The following BCL2L11 variants were observed in gnomAD, a reference collection of about 807,000 sequenced individuals.
BCL2L11 encodes bcl-2-like protein 11.
A neutral mutation model predicts 20.6 loss-of-function variants in BCL2L11; 15 were observed. The ratio of observed to expected loss-of-function variants is 0.73; its 90% CI spans 0.49 to 1.12. The LOEUF (loss-of-function observed/expected upper bound fraction) is 1.12. BCL2L11 is among the 50% of genes most tolerant of loss of function. The pLI, the probability that BCL2L11 is intolerant of heterozygous loss-of-function variation, is 0.00. For missense variants in BCL2L11, 292 were observed against 260.9 expected, an observed-to-expected ratio of 1.12 and a Z score of -0.82; for synonymous variants, 108 against 92.8, an observed-to-expected ratio of 1.16 and a Z score of -0.94.
chr2:111,135,001 T>G (rs1176785283), intron 2 of BCL2L11, among the ~76,000 whole-genome samples: 6 of 152,208 alleles, frequency 3.9e-5, no homozygotes, highest in Non-Finnish European at 8.8e-5. Flanking sequence ...TTTATCCTTT[T>G]TGGGGTGCAC....
At chr2:111,122,790 A>C in intron 1 of BCL2L11, 8 of 985,174 alleles carry the variant, frequency 8.1e-6, no homozygotes, top group Non-Finnish European at 9.6e-6. Flanking sequence ...TCTGAACCCG[A>C]GTCCCGGGCT....
Position 111,132,505 on chromosome 2 carries a change from G to A in BCL2L11, c.394+8366G>A, listed in dbSNP as rs559488263. Among the ~76,000 whole-genome samples, 9 of 152,214 alleles carry A rather than the reference G, an allele frequency of 5.9e-5. 1 individual carries two copies. In the South Asian group the frequency reaches 1.2e-3, roughly 21 times the overall value. Reference sequence around the variant, plus strand: ...TCTCCAGTTTCCCCATTCCTACCAAGGACCAATTTATTTGCAAAATACATT... The same window carrying A: ...TCTCCAGTTTCCCCATTCCTACCAAAGACCAATTTATTTGCAAAATACATT... On this transcript the variant is annotated intron_variant, in intron 2 of 3. Coordinates refer to ENST00000393256, the MANE Select transcript of BCL2L11 (RefSeq NM_138621.5).
intron 2 of BCL2L11, among the ~76,000 whole-genome samples, chr2:111,143,130 T>A (rs1454011735): frequency 6.6e-6 from 1 of 152,180 alleles, no homozygotes; most frequent in Non-Finnish European, 1.5e-5. Context: ...ATGGCACAGG[T>A]CAGATACTTT....
At chr2:111,149,951 G>T in intron 2 of BCL2L11, 93 bp from the exon 3 acceptor site, 1 of 1,022,442 alleles carries the variant, frequency 9.8e-7, no homozygotes, top group South Asian at 1.6e-5. Context: ...AAGAGTGTGT[G>T]AGATGGGCTT....
intron 1 of BCL2L11, chr2:111,123,238 C>T (rs1466466892): frequency 1.0e-6 from 1 of 985,366 alleles, no homozygotes; most frequent in African/African-American, 1.7e-5. Flanking sequence ...GACTGACGGC[C>T]GCTGCCAGAC....
chr2:111,147,394 G>A (rs535320553), intron 2 of BCL2L11, among the ~76,000 whole-genome samples: 6 of 127,518 alleles, frequency 4.7e-5, no homozygotes, highest in Admixed American at 7.7e-5. Flanking sequence ...ACACACACCC[G>A]CCATTTCTCC....
At chr2:111,142,232 T>C in intron 2 of BCL2L11, 1 of 1,245,142 alleles carries the variant, frequency 8.0e-7, no homozygotes, top group East Asian at 2.5e-5. Context: ...CCTCCTGTTC[T>C]TTTCCTTCTG....
intron 1 of BCL2L11, among the ~76,000 whole-genome samples, chr2:111,121,418 G>A (rs2070878199): frequency 6.6e-6 from 1 of 152,222 alleles, no homozygotes; most frequent in African/African-American, 2.4e-5. Context: ...GCTCTTGGCC[G>A]AAGTGCGGCT....
intron 2 of BCL2L11, among the ~76,000 whole-genome samples, chr2:111,131,151 A>G (rs1298386655): frequency 7.6e-6 from 1 of 132,246 alleles, no homozygotes; most frequent in African/African-American, 2.9e-5. Flanking sequence ...ATTGGTATTG[A>G]TTCTTTTCTC....
intron 2 of BCL2L11, among the ~76,000 whole-genome samples, chr2:111,125,792 C>A (rs1453348537): frequency 6.6e-6 from 1 of 152,144 alleles, no homozygotes; most frequent in Non-Finnish European, 1.5e-5. Context: ...AGGGTCCCTC[C>A]TTAGGGAAAG....
At position 111,165,628 on chromosome 2, in the gene BCL2L11, A is replaced by G. The variant is rs2078983323; in HGVS notation, c.*1397A>G. On this transcript the variant is annotated 3_prime_UTR_variant, in exon 4 of 4. Transcript: ENST00000393256. ...TATGAGTGCAGTGGAAGGAAGCCACACACTGGTCAGTCATTTCAGAGGCAG... is the reference window on the plus strand; with the variant it reads ...TATGAGTGCAGTGGAAGGAAGCCACGCACTGGTCAGTCATTTCAGAGGCAG... 1 of 152,234 alleles carries G rather than the reference A, an allele frequency of 6.6e-6. No individual in the cohort carries two copies. The highest frequency in any genetic ancestry group is 2.4e-5 in the African/African-American group (1 of 41,434). The allele number at this position is 152,234 out of a possible 1,614,324, so 9.4% of individuals were successfully genotyped here.
At chr2:111,153,679 C>G (rs1332771289) in intron 3 of BCL2L11, 6 of 1,398,850 alleles carry the variant, frequency 4.3e-6, no homozygotes, top group Non-Finnish European at 5.9e-6. Flanking sequence ...TGTTGAGTGT[C>G]TTTATTTGCT....
intron 2 of BCL2L11, among the ~76,000 whole-genome samples, chr2:111,132,685 G>A (rs2074169619): frequency 6.6e-6 from 1 of 152,196 alleles, no homozygotes; most frequent in African/African-American, 2.4e-5. Context: ...AAGCCAAGCT[G>A]AAAATTTGCC....
In BCL2L11 at chr2:111,123,902, G is replaced by C; in HGVS notation, c.157G>C (p.Asp53His). 2 of 1,612,522 alleles carry C rather than the reference G, an allele frequency of 1.2e-6. No individual in the cohort carries two copies. The highest frequency in any genetic ancestry group is 1.7e-6 in the Non-Finnish European group (2 of 1,179,254). The change falls in exon 2 of 4, where the codon GAC becomes CAC. Residue 53 changes from aspartate to histidine, a missense_variant. Physicochemically the swap from Asp to His is moderately conservative, Grantham distance 81. Coordinates refer to ENST00000393256, the MANE Select transcript of BCL2L11 (RefSeq NM_138621.5). ...NPEGNHGGEG[D>H]SCPHGSPQGP... Reference sequence around the variant, plus strand: ...TGAAGGCAATCACGGAGGTGAAGGGGACAGCTGCCCCCACGGCAGCCCTCA... The same window carrying C: ...TGAAGGCAATCACGGAGGTGAAGGGCACAGCTGCCCCCACGGCAGCCCTCA...
At chr2:111,150,178 C>T in intron 3 of BCL2L11, 31 bp downstream of exon 3, 3 of 1,607,818 alleles carry the variant, frequency 1.9e-6, no homozygotes, top group Admixed American at 3.4e-5. Context: ...CGCTTTTCTG[C>T]TCACACCCTC....
chr2:111,157,255 T>G (rs912761958), intron 3 of BCL2L11, among the ~76,000 whole-genome samples: 1 of 152,186 alleles, frequency 6.6e-6, no homozygotes, highest in African/African-American at 2.4e-5. Flanking sequence ...AACTGGGGTT[T>G]TTTTTAAATC....
At position 111,164,377 on chromosome 2, in the gene BCL2L11, G is replaced by A; in HGVS notation, c.*146G>A. ...CAGGTGACGTTTCAGAAGACACCGAGCTGGATGGGACTACCTTTCTGTTCA... is the reference window on the plus strand; with the variant it reads ...CAGGTGACGTTTCAGAAGACACCGAACTGGATGGGACTACCTTTCTGTTCA... On this transcript the variant is annotated 3_prime_UTR_variant, in exon 4 of 4. Coordinates refer to ENST00000393256, the MANE Select transcript of BCL2L11 (RefSeq NM_138621.5). 3.2e-6 allele frequency: 2 copies of A among 630,446 alleles called. No homozygotes were observed. Among genetic ancestry groups the A allele is most frequent in the Non-Finnish European group, 2.9e-6 (1 of 343,394 alleles). 39.1% of individuals were successfully genotyped at this position (630,446 alleles called of 1,614,324 possible).
At position 111,123,873 on chromosome 2, in the gene BCL2L11, A is replaced by G. The variant is rs775928756; in HGVS notation, c.128A>G (p.Asn43Ser). 1.2e-6 allele frequency: 2 copies of G among 1,605,262 alleles called. No homozygotes were observed. Among genetic ancestry groups the G allele is most frequent in the East Asian group, 2.2e-5 (1 of 44,824 alleles). ...TCCCTACAGACAGAGCCACAAGGTA[A>G]TCCTGAAGGCAATCACGGAGGTGAA... is the stretch of plus-strand genomic sequence containing the variant. ...PTSLQTEPQG[N>S]PEGNHGGEGD... The change falls in exon 2 of 4, where the codon AAT becomes AGT. Residue 43 changes from asparagine to serine, a missense_variant. Physicochemically the swap from Asn to Ser is conservative, Grantham distance 46. Coordinates refer to ENST00000393256, the MANE Select transcript of BCL2L11 (RefSeq NM_138621.5).
At chr2:111,155,820 A>G (rs2077766336) in intron 3 of BCL2L11, among the ~76,000 whole-genome samples, 1 of 152,248 alleles carries the variant, frequency 6.6e-6, no homozygotes, top group Admixed American at 6.5e-5. Flanking sequence ...TTTTGTTTAC[A>G]CTGCCTACTT....
Sources: gnomAD v4.1 joint callset for allele counts (sites outside exome capture counted in the v4.1 genomes callset) on GRCh38, gnomAD v4.1.1 for gene constraint, MANE v1.5 for transcripts, NCBI Gene and HGNC (gene_info 2026-07-23, HGNC 2026-07-21) for gene names.